Variants in CAMK4 observed in about 807,000 individuals in gnomAD.
The protein encoded by CAMK4 is calcium/calmodulin dependent protein kinase IV.
CAMK4 carries 22 observed loss-of-function variants against 44.9 expected under a neutral mutation model. That is an observed-to-expected ratio of 0.49 (90% confidence interval 0.35 to 0.70). CAMK4 has a LOEUF of 0.70. CAMK4 is among the 30% of genes least tolerant of loss of function. The probability of loss-of-function intolerance (pLI) is 0.01; values close to 1 mark genes in which losing one functional copy is unlikely to be tolerated. For missense variants in CAMK4, 498 were observed against 586.8 expected (o/e 0.85, Z 1.56); for synonymous variants, 218 against 215.4 (o/e 1.01, Z -0.11).
At chr5:111,261,536 A>G (rs1749975410) in intron 1 of CAMK4, among the ~76,000 whole-genome samples, 1 of 150,556 alleles carries the variant, frequency 6.6e-6, no homozygotes, top group Non-Finnish European at 1.5e-5. Context: ...CAATATCCTT[A>G]TAGTTTCCTT....
At chr5:111,224,283 C>T, upstream of CAMK4, 3 of 649,350 alleles carry the variant, frequency 4.6e-6, no homozygotes, top group South Asian at 7.8e-5. The surrounding 1 kb of genome is among the most constrained non-coding windows in gnomAD (Gnocchi z 5.7). Context: ...TCCGGGTTCC[C>T]CCTCGCGCCC....
chr5:111,240,668 C>T (rs567500658), intron 1 of CAMK4, among the ~76,000 whole-genome samples: 1 of 152,028 alleles, frequency 6.6e-6, no homozygotes, highest in African/African-American at 2.4e-5. Context: ...TAGGAGACAC[C>T]TTACTTGAGT....
At chr5:111,397,520 A>G (rs1752063473) in intron 5 of CAMK4, among the ~76,000 whole-genome samples, 1 of 152,178 alleles carries the variant, frequency 6.6e-6, no homozygotes, top group African/African-American at 2.4e-5. Context: ...TTCAGTTTGT[A>G]AAAATTCAGT....
intron 1 of CAMK4, among the ~76,000 whole-genome samples, chr5:111,240,985 C>T (rs1748964629): frequency 6.6e-6 from 1 of 152,098 alleles, no homozygotes; most frequent in Non-Finnish European, 1.5e-5. Flanking sequence ...GCCCCATTTT[C>T]TCCTCTGTAG....
chr5:111,274,375 C>T (rs1330902164), intron 1 of CAMK4, among the ~76,000 whole-genome samples: 3 of 152,024 alleles, frequency 2.0e-5, no homozygotes, highest in South Asian at 2.1e-4. Context: ...GGTTTATTTT[C>T]GGAATTTGTT....
intron 1 of CAMK4, among the ~76,000 whole-genome samples, chr5:111,329,818 A>T (rs1386032075): frequency 1.3e-5 from 2 of 151,772 alleles, no homozygotes; most frequent in Non-Finnish European, 2.9e-5. Context: ...TCTCTCAGCA[A>T]AGTAAGAAAG....
chr5:111,318,786 A>G (rs1342096610), intron 1 of CAMK4, among the ~76,000 whole-genome samples: 1 of 152,224 alleles, frequency 6.6e-6, no homozygotes, highest in Non-Finnish European at 1.5e-5. Flanking sequence ...CAGAGTAAGT[A>G]TGAGGATAAT....
intron 1 of CAMK4, among the ~76,000 whole-genome samples, chr5:111,238,118 A>G (rs1270641174): frequency 1.3e-5 from 2 of 151,942 alleles, no homozygotes; most frequent in Admixed American, 6.6e-5. Context: ...AAGGGAGGCC[A>G]CTCCTTACCA....
intron 5 of CAMK4, among the ~76,000 whole-genome samples, chr5:111,428,643 A>T (rs1433993229): frequency 6.6e-6 from 1 of 152,210 alleles, no homozygotes; most frequent in East Asian, 1.9e-4. Flanking sequence ...ATCAGAAGAA[A>T]GAATTAGTGA....
chr5:111,329,436 T>C (rs1749057294), intron 1 of CAMK4, among the ~76,000 whole-genome samples: 1 of 150,714 alleles, frequency 6.6e-6, no homozygotes, highest in African/African-American at 2.4e-5. Flanking sequence ...GGAAGTCAAA[T>C]TGTCCCTGTT....
At chr5:111,282,187 A>G (rs1751051939) in intron 1 of CAMK4, among the ~76,000 whole-genome samples, 1 of 152,224 alleles carries the variant, frequency 6.6e-6, no homozygotes, top group Non-Finnish European at 1.5e-5. Flanking sequence ...TGTTTGGCTA[A>G]TACTACTGGG....
intron 2 of CAMK4, among the ~76,000 whole-genome samples, chr5:111,369,956 A>C (rs1053883169): frequency 6.6e-6 from 1 of 152,086 alleles, no homozygotes; most frequent in Non-Finnish European, 1.5e-5. Context: ...GAAGATGCCG[A>C]ACCCACAGAT....
chr5:111,232,886 G>C (rs56197011), intron 1 of CAMK4, among the ~76,000 whole-genome samples: 3,351 of 152,200 alleles, frequency 0.022, 63 homozygotes, highest in Middle Eastern at 0.058. Context: ...GAGACAGTAA[G>C]TATTTTAGGC....
chr5:111,288,636 T>G (rs1306578495), intron 1 of CAMK4, among the ~76,000 whole-genome samples: 1 of 152,230 alleles, frequency 6.6e-6, no homozygotes, highest in Non-Finnish European at 1.5e-5. Flanking sequence ...CTGTGTTGAT[T>G]TTTGAAAATA....
At chr5:111,382,643 G>C (rs917907671) in intron 4 of CAMK4, among the ~76,000 whole-genome samples, 3 of 152,082 alleles carry the variant, frequency 2.0e-5, no homozygotes, top group African/African-American at 7.2e-5. Flanking sequence ...TATAAAGTAG[G>C]CTTTGATATA....
At chr5:111,304,097 A>G (rs1211033604) in intron 1 of CAMK4, among the ~76,000 whole-genome samples, 1 of 8,074 alleles carries the variant, frequency 1.2e-4, no homozygotes, top group African/African-American at 8.2e-4. Flanking sequence ...TGAAGGAAGC[A>G]CTAAACATGG....
At chr5:111,243,744 G>A (rs1355880358) in intron 1 of CAMK4, among the ~76,000 whole-genome samples, 3 of 152,252 alleles carry the variant, frequency 2.0e-5, no homozygotes, top group South Asian at 2.1e-4. Context: ...CCTAGCCGGC[G>A]GTTCTTTCCT....
chr5:111,441,962 G>A (rs895092063), intron 5 of CAMK4, among the ~76,000 whole-genome samples: 6 of 152,050 alleles, frequency 3.9e-5, no homozygotes, highest in African/African-American at 1.4e-4. Flanking sequence ...CTCTATGTAC[G>A]GTGATTGTGA....
At chr5:111,229,535 T>C (rs530203621) in intron 1 of CAMK4, among the ~76,000 whole-genome samples, 72 of 152,374 alleles carry the variant, frequency 4.7e-4, no homozygotes, top group South Asian at 2.9e-3. Flanking sequence ...GCATGGCTGC[T>C]GAAGAAACAG....
Sources: allele counts gnomAD v4.1 joint callset (sites outside exome capture counted in the v4.1 genomes callset), GRCh38; gene constraint gnomAD v4.1.1; non-coding constraint Gnocchi (gnomAD v3.1); transcripts MANE v1.5; gene names NCBI Gene and HGNC (gene_info 2026-07-23, HGNC 2026-07-21).